FOCAD: variants seen among roughly 807,000 people sequenced by gnomAD.
The protein encoded by FOCAD is focadhesin.
In FOCAD, 198 loss-of-function variants were observed where a neutral mutation model predicts 225.6. The ratio of observed to expected loss-of-function variants is 0.88; its 90% CI spans 0.78 to 0.99. The LOEUF is 0.99. Ranked by LOEUF, FOCAD falls within the 50% of genes least tolerant of loss-of-function variation. FOCAD has a pLI of 0.00. For missense variants in FOCAD, 2,713 were observed against 2,123.6 expected, an observed-to-expected ratio of 1.28 and a Z score of -5.46; for synonymous variants, 897 against 755.0, an observed-to-expected ratio of 1.19 and a Z score of -3.08.
At chr9:20,718,505 T>C (rs987607325) in intron 3 of FOCAD, among the ~76,000 whole-genome samples, 2 of 152,204 alleles carry the variant, frequency 1.3e-5, no homozygotes, top group Non-Finnish European at 2.9e-5. Context: ...GAAATAAGAT[T>C]CTTTTTTTTC....
At chr9:20,935,716 G>C (rs1356912342) in intron 28 of FOCAD, among the ~76,000 whole-genome samples, 1 of 152,152 alleles carries the variant, frequency 6.6e-6, no homozygotes, top group Non-Finnish European at 1.5e-5. Flanking sequence ...TCTTTTTAAA[G>C]ATTTGTTGAG....
intron 28 of FOCAD, among the ~76,000 whole-genome samples, chr9:20,938,071 C>G (rs1836185042): frequency 6.6e-6 from 1 of 151,968 alleles, no homozygotes; most frequent in Non-Finnish European, 1.5e-5. Flanking sequence ...ATTAAAAAGT[C>G]AGGAAACAAC....
At chr9:20,683,026 A>G (rs546019522), upstream of FOCAD, among the ~76,000 whole-genome samples, 425 of 152,164 alleles carry the variant, frequency 2.8e-3, 4 homozygotes, top group African/African-American at 9.8e-3. Flanking sequence ...CGGCCTCCCA[A>G]AGTGCTGGGA....
intron 24 of FOCAD, among the ~76,000 whole-genome samples, chr9:20,919,762 T>G (rs895398202): frequency 1.5e-4 from 23 of 152,142 alleles, no homozygotes; most frequent in African/African-American, 4.3e-4. Flanking sequence ...TAGCCATATG[T>G]AGAAAGCTGA....
chr9:20,847,854 G>C lies in FOCAD; in HGVS notation c.1921-14724G>C, dbSNP rs144833962. On this transcript the variant is annotated intron_variant, in intron 15 of 43. Coordinates refer to ENST00000338382, the MANE Select transcript of FOCAD (RefSeq NM_001375567.1). ...AGAAGACAATAATTTTAGATGTCTT[G>C]TGAAAATAAAGTTTTCATGTAAGGT... 5.8e-3 allele frequency among the ~76,000 whole-genome samples: 875 copies of C among 152,124 alleles called. 12 individuals are homozygous for C. The highest frequency in any genetic ancestry group is 0.02 in the African/African-American group (835 of 41,546).
At chr9:20,926,192 G>C (rs1273637909) in intron 25 of FOCAD, 109 bp from the exon 26 acceptor site, 1 of 672,804 alleles carries the variant, frequency 1.5e-6, no homozygotes, top group East Asian at 2.6e-5. Context: ...TTTACTTTTT[G>C]ATAACAGCAC....
intron 21 of FOCAD, among the ~76,000 whole-genome samples, chr9:20,888,235 C>T (rs1587512427): frequency 6.7e-6 from 1 of 148,846 alleles, no homozygotes; most frequent in South Asian, 2.1e-4. Flanking sequence ...GCCTCCTGGG[C>T]TCAAGCGATT....
chr9:20,961,076 A>G lies in FOCAD; in HGVS notation c.4132+8011A>G, dbSNP rs1838670327. Among the ~76,000 whole-genome samples, 4 of 151,648 alleles carry G rather than the reference A, an allele frequency of 2.6e-5. No homozygotes were observed. In the South Asian group the frequency reaches 8.3e-4, roughly 32 times the overall value. On this transcript the variant is annotated intron_variant, in intron 35 of 43. Coordinates refer to ENST00000338382, the MANE Select transcript of FOCAD (RefSeq NM_001375567.1). ...CATACATGTGCACAGAATGGGAGAA[A>G]ATTTTTGCAATCTACCCATCTATGT...
intron 1 of FOCAD, among the ~76,000 whole-genome samples, chr9:20,693,704 C>CTATT (rs34849960): frequency 1.6e-3 from 249 of 151,716 alleles, no homozygotes; most frequent in East Asian, 2.3e-3. Flanking sequence ...TTTGCAATCA[C>CTATT]TATTTATTTA....
At chr9:20,761,445 G>C (rs896953853) in intron 6 of FOCAD, among the ~76,000 whole-genome samples, 1 of 151,808 alleles carries the variant, frequency 6.6e-6, no homozygotes, top group Non-Finnish European at 1.5e-5. Flanking sequence ...TTTTGTGGCA[G>C]AGTCTCACTC....
At chr9:20,855,338 C>G (rs1004116455) in intron 15 of FOCAD, among the ~76,000 whole-genome samples, 3 of 151,446 alleles carry the variant, frequency 2.0e-5, no homozygotes, top group African/African-American at 7.3e-5. Flanking sequence ...AGAGATGAGA[C>G]TGGAGGAATA....
At chr9:20,665,418 G>C (rs1046832172) in intron 2 of FOCAD, among the ~76,000 whole-genome samples, 1 of 152,076 alleles carries the variant, frequency 6.6e-6, no homozygotes, top group Non-Finnish European at 1.5e-5. Context: ...TGACGAATCA[G>C]CTAATTCATC....
In FOCAD at chr9:20,789,470, G is replaced by A. The variant is rs1267276309; in HGVS notation, c.1317G>A (p.Glu439=). The part of the protein sequence containing the change: ...SAASDWLASV[E]SLLPITAVIP... ...CAAGTGACTGGTTGGCTTCAGTAGA[G>A]TCATTGCTTCCTATTACTGCTGTGA... The change falls in exon 11 of 44, where the codon GAG becomes GAA. Residue 439 remains glutamate (E), a synonymous_variant. Coordinates refer to ENST00000338382, the MANE Select transcript of FOCAD (RefSeq NM_001375567.1). The A allele has an allele frequency of 6.2e-7, 1 of 1,613,974 alleles. No individual in the cohort carries two copies. Among genetic ancestry groups the A allele is most frequent in the Non-Finnish European group, 8.5e-7 (1 of 1,179,980 alleles).
At chr9:20,737,938 A>C (rs1442037726) in intron 4 of FOCAD, among the ~76,000 whole-genome samples, 2 of 152,214 alleles carry the variant, frequency 1.3e-5, no homozygotes, top group African/African-American at 4.8e-5. Context: ...GTGATAGAGC[A>C]GTTATGTTGA....
chr9:20,787,974 A>G (rs1820103892), intron 10 of FOCAD, among the ~76,000 whole-genome samples: 1 of 152,212 alleles, frequency 6.6e-6, no homozygotes, highest in South Asian at 2.1e-4. Context: ...TTAGGTATAT[A>G]CTCAAGAAAA....
At chr9:20,775,611 G>A (rs1341295513) in intron 8 of FOCAD, among the ~76,000 whole-genome samples, 1 of 152,150 alleles carries the variant, frequency 6.6e-6, no homozygotes, top group Non-Finnish European at 1.5e-5. Flanking sequence ...CTCATGCCTT[G>A]TTTTCTCTTT....
chr9:20,777,110 C>A (rs1033251455), intron 8 of FOCAD, among the ~76,000 whole-genome samples: 1 of 151,836 alleles, frequency 6.6e-6, no homozygotes, highest in Non-Finnish European at 1.5e-5. Context: ...AGTCCATAAA[C>A]AAGCACATGA....
upstream of FOCAD, among the ~76,000 whole-genome samples, chr9:20,682,524 T>C (rs1822429607): frequency 6.6e-6 from 1 of 152,210 alleles, no homozygotes; most frequent in South Asian, 2.1e-4. Context: ...GTGGATTAAA[T>C]AAATTTATAT....
intron 22 of FOCAD, among the ~76,000 whole-genome samples, chr9:20,910,015 G>C (rs1018875798): frequency 3.3e-5 from 5 of 152,014 alleles, no homozygotes; most frequent in African/African-American, 1.2e-4. Context: ...CTTCCTGGAG[G>C]CTAATTAGGA....
Sources: allele counts gnomAD v4.1 joint callset (sites outside exome capture counted in the v4.1 genomes callset), GRCh38; gene constraint gnomAD v4.1.1; transcripts MANE v1.5; gene names NCBI Gene and HGNC (gene_info 2026-07-23, HGNC 2026-07-21).